SLC9A9: variants seen among roughly 807,000 people sequenced by gnomAD.
SLC9A9 encodes solute carrier family 9 member A9, also known as sodium/hydrogen exchanger 9.
A neutral mutation model predicts 77.8 loss-of-function variants in SLC9A9; 62 were observed. The observed-to-expected ratio is 0.80, with a 90% confidence interval of 0.65 to 0.98. SLC9A9 has a LOEUF of 0.98. Among genes scored for constraint, SLC9A9 ranks in the 50% least tolerant of loss-of-function variants. The probability of loss-of-function intolerance (pLI) is 0.00; values close to 1 mark genes in which losing one functional copy is unlikely to be tolerated. For synonymous variants in SLC9A9, 320 were observed against 283.5 expected, an observed-to-expected ratio of 1.13 and a Z score of -1.29; for missense variants, 775 against 774.9, an observed-to-expected ratio of 1.00 and a Z score of 0.00.
At chr3:143,290,978 C>A (rs976343922) in intron 14 of SLC9A9, among the ~76,000 whole-genome samples, 2 of 152,114 alleles carry the variant, frequency 1.3e-5, no homozygotes, top group Non-Finnish European at 2.9e-5. Flanking sequence ...AGCAAAAGGA[C>A]CTGACACACA....
At chr3:143,680,584 T>C (rs1412653583) in intron 5 of SLC9A9, among the ~76,000 whole-genome samples, 1 of 152,152 alleles carries the variant, frequency 6.6e-6, no homozygotes, top group Non-Finnish European at 1.5e-5. Flanking sequence ...TATTGAATTT[T>C]ATTTCTAGAA....
chr3:143,607,159 T>C (rs1409705087), intron 6 of SLC9A9, among the ~76,000 whole-genome samples: 2 of 152,146 alleles, frequency 1.3e-5, no homozygotes, highest in African/African-American at 2.4e-5. Flanking sequence ...TATTTGTTAA[T>C]TTTGAATTCT....
chr3:143,714,186 T>C (rs1203979957), intron 4 of SLC9A9, among the ~76,000 whole-genome samples: 1 of 152,170 alleles, frequency 6.6e-6, no homozygotes, highest in African/African-American at 2.4e-5. Context: ...ATACAGAAAG[T>C]CTAGCAGCCT....
At chr3:143,310,830 T>A (rs1391079613) in intron 14 of SLC9A9, among the ~76,000 whole-genome samples, 1 of 152,166 alleles carries the variant, frequency 6.6e-6, no homozygotes, top group African/African-American at 2.4e-5. Flanking sequence ...TGGTCATAAT[T>A]TTTGTGAACA....
At chr3:143,714,995 T>C (rs1303846023) in intron 4 of SLC9A9, among the ~76,000 whole-genome samples, 1 of 151,984 alleles carries the variant, frequency 6.6e-6, no homozygotes, top group Non-Finnish European at 1.5e-5. Flanking sequence ...AAAATGTGAG[T>C]CTCCCTGCAC....
intron 14 of SLC9A9, among the ~76,000 whole-genome samples, chr3:143,340,762 C>CA (rs1188835772): frequency 2.6e-5 from 4 of 152,156 alleles, no homozygotes; most frequent in African/African-American, 9.7e-5. Flanking sequence ...GTCTTATCTC[C>CA]ACTCACTAAA....
intron 6 of SLC9A9, among the ~76,000 whole-genome samples, chr3:143,604,874 G>C (rs1008587372): frequency 6.6e-6 from 1 of 152,182 alleles, no homozygotes; most frequent in Non-Finnish European, 1.5e-5. Flanking sequence ...CTGGAAACAT[G>C]TCCAATTCTT....
chr3:143,309,355 C>T (rs2030931926), intron 14 of SLC9A9, among the ~76,000 whole-genome samples: 1 of 151,338 alleles, frequency 6.6e-6, no homozygotes, highest in Non-Finnish European at 1.5e-5. Context: ...CCACAGCGTA[C>T]CTTTATGATT....
At chr3:143,621,794 G>A (rs928960892) in intron 6 of SLC9A9, among the ~76,000 whole-genome samples, 19 of 152,234 alleles carry the variant, frequency 1.2e-4, no homozygotes, top group African/African-American at 4.3e-4. Flanking sequence ...AGAGAAGAAG[G>A]CTTCAGACGA....
Position 143,393,110 on chromosome 3 carries a change from A to C in SLC9A9, c.1470-10996T>G, listed in dbSNP as rs145263056. 7.8e-3 allele frequency among the ~76,000 whole-genome samples: 1,192 copies of C among 152,370 alleles called. 11 individuals carry two copies. The highest frequency in any genetic ancestry group is 0.013 in the South Asian group (64 of 4,824). On this transcript the variant is annotated intron_variant, in intron 12 of 15. Transcript: ENST00000316549. ...CCAAGCAGACCTAATAGACATCTAC[A>C]GAACTCTCCACCTCAAAATCAACAG...
intron 11 of SLC9A9, among the ~76,000 whole-genome samples, chr3:143,474,848 C>T (rs1270292108): frequency 1.3e-5 from 2 of 152,110 alleles, no homozygotes; most frequent in African/African-American, 4.8e-5. Flanking sequence ...GTACTTGCAG[C>T]TTTTCCCACC....
chr3:143,352,358 A>C (rs1272096695), intron 14 of SLC9A9, among the ~76,000 whole-genome samples: 3 of 152,366 alleles, frequency 2.0e-5, no homozygotes, highest in Middle Eastern at 3.4e-3. Flanking sequence ...AGCAGCCTGC[A>C]TGAGCTAGAA....
intron 9 of SLC9A9, among the ~76,000 whole-genome samples, chr3:143,539,366 A>T (rs1486639631): frequency 6.6e-6 from 1 of 152,198 alleles, no homozygotes; most frequent in Non-Finnish European, 1.5e-5. Context: ...TTTCTGAAGG[A>T]ATTGCACAAA....
At chr3:143,706,344 A>G (rs567632296) in intron 4 of SLC9A9, among the ~76,000 whole-genome samples, 151 of 152,290 alleles carry the variant, frequency 9.9e-4, no homozygotes, top group African/African-American at 3.2e-3. Context: ...AGGGCCCAGT[A>G]TGGGCTATTC....
At chr3:143,532,909 T>C (rs1480955087) in intron 9 of SLC9A9, among the ~76,000 whole-genome samples, 1 of 152,176 alleles carries the variant, frequency 6.6e-6, no homozygotes, top group African/African-American at 2.4e-5. Context: ...CACCTAATTA[T>C]TCTTTAGGTC....
intron 9 of SLC9A9, among the ~76,000 whole-genome samples, chr3:143,537,073 T>C (rs190318665): frequency 5.9e-4 from 90 of 152,280 alleles, no homozygotes; most frequent in African/African-American, 2.0e-3. Flanking sequence ...ACTTGGACAG[T>C]TTGGCTCTGA....
At chr3:143,808,514 G>A (rs1198459489) in intron 2 of SLC9A9, among the ~76,000 whole-genome samples, 4 of 152,230 alleles carry the variant, frequency 2.6e-5, no homozygotes, top group Non-Finnish European at 5.9e-5. Flanking sequence ...ATCTTTTGAA[G>A]AGAAGCACCA....
In SLC9A9 at chr3:143,336,239, T is replaced by G. The variant is rs146694814; in HGVS notation, c.1604+27245A>C. Among the ~76,000 whole-genome samples the G allele has an allele frequency of 7.8e-3, 1,185 of 151,998 alleles. 13 individuals carry two copies. Among genetic ancestry groups the G allele is most frequent in the African/African-American group, 0.027 (1,137 of 41,464 alleles). ...TGGCTACTATCATAAAAACAGAAAA[T>G]AAGTGTTGATGAGGACATGGAGAAA... On this transcript the variant is annotated intron_variant, in intron 14 of 15. Transcript: ENST00000316549.
At chr3:143,704,995 A>G (rs1313425807) in intron 4 of SLC9A9, among the ~76,000 whole-genome samples, 2 of 116,010 alleles carry the variant, frequency 1.7e-5, no homozygotes, top group Non-Finnish European at 3.7e-5. Flanking sequence ...TCCATCTCAA[A>G]TATCTATCTA....
Sources: allele counts gnomAD v4.1 joint callset (sites outside exome capture counted in the v4.1 genomes callset), GRCh38; gene constraint gnomAD v4.1.1; transcripts MANE v1.5; gene names NCBI Gene and HGNC (gene_info 2026-07-23, HGNC 2026-07-21).